The following PLCG2 variants were observed in gnomAD, a reference collection of about 807,000 sequenced individuals.
PLCG2 encodes phospholipase C gamma 2.
PLCG2 carries 69 observed loss-of-function variants against 175.6 expected under a neutral mutation model. The observed-to-expected ratio is 0.39, with a 90% CI of 0.32 to 0.48. The LOEUF (loss-of-function observed/expected upper bound fraction) is 0.48, where lower values mean the gene tolerates loss of function less well. Among genes scored for constraint, PLCG2 ranks in the 20% least tolerant of loss-of-function variants. PLCG2 has a pLI of 0.91. For synonymous variants in PLCG2, 827 were observed against 624.0 expected (o/e 1.33, Z -4.85); for missense variants, 1,798 against 1,650.9 (o/e 1.09, Z -1.54).
intron 2 of PLCG2, among the ~76,000 whole-genome samples, chr16:81,853,574 T>G (rs1231813148): frequency 6.6e-6 from 1 of 152,202 alleles, no homozygotes; most frequent in Non-Finnish European, 1.5e-5. Context: ...GCATGCGTAG[T>G]TCACCGTAGG....
intron 30 of PLCG2, among the ~76,000 whole-genome samples, chr16:81,942,841 T>TTGATCTTACTTTAAA (rs202207822): frequency 0.012 from 1,808 of 152,278 alleles, 20 homozygotes; most frequent in Non-Finnish European, 0.019. Flanking sequence ...GCCAGATGCA[T>TTGATCTTACTTTAAA]TGATCTTACT....
chr16:81,818,051 G>A (rs1173606615), intron 2 of PLCG2, among the ~76,000 whole-genome samples: 1 of 152,166 alleles, frequency 6.6e-6, no homozygotes, highest in African/African-American at 2.4e-5. Context: ...GCCTGGGCTC[G>A]GTCACTTCCT....
chr16:81,764,946 G>A (rs1372011191), intron 2 of PLCG2, among the ~76,000 whole-genome samples: 3 of 151,910 alleles, frequency 2.0e-5, no homozygotes, highest in Admixed American at 6.6e-5. Flanking sequence ...AAAATTAGCC[G>A]GGCATAGTAG....
upstream of PLCG2, among the ~76,000 whole-genome samples, chr16:81,775,279 G>A (rs142210329): frequency 3.3e-5 from 5 of 152,046 alleles, no homozygotes; most frequent in South Asian, 2.1e-4. Context: ...ACTGATCTAC[G>A]TTCTGTCTCT....
intron 13 of PLCG2, among the ~76,000 whole-genome samples, chr16:81,897,548 C>T (rs1158614314): frequency 2.3e-5 from 3 of 128,678 alleles, no homozygotes; most frequent in East Asian, 2.2e-4. Context: ...CTTTTCTTTT[C>T]TTTTTTTTTT....
intron 9 of PLCG2, among the ~76,000 whole-genome samples, chr16:81,884,640 C>G (rs1179322215): frequency 6.6e-6 from 1 of 151,970 alleles, no homozygotes; most frequent in East Asian, 1.9e-4. Flanking sequence ...CATGTCTTTT[C>G]ACATATAAAT....
At chr16:81,893,818 G>C (rs1363353654) in intron 12 of PLCG2, 24 bp downstream of exon 12, 1 of 1,493,270 alleles carries the variant, frequency 6.7e-7, no homozygotes, top group South Asian at 1.1e-5. Context: ...TCTTGGTGGA[G>C]GTCAGGCTCG....
rs549492465 is a variant in PLCG2 at position 81,871,785 on chromosome 16, A to T, written c.648+850A>T. Among the ~76,000 whole-genome samples, 14 of 152,304 alleles carry T rather than the reference A, an allele frequency of 9.2e-5. No individual in the cohort carries two copies. The South Asian group carries it at 2.9e-3, about 32-fold the overall frequency. ...ATGAAAGGGAAAACATCGGGGCCTGAGAATATATTATCGGATTGTTTATTG... is the reference window on the plus strand; with the variant it reads ...ATGAAAGGGAAAACATCGGGGCCTGTGAATATATTATCGGATTGTTTATTG... On this transcript the variant is annotated intron_variant, in intron 7 of 32. Transcript: ENST00000564138.
intron 2 of PLCG2, among the ~76,000 whole-genome samples, chr16:81,828,315 G>A (rs1455288941): frequency 4.6e-5 from 6 of 129,898 alleles, no homozygotes; most frequent in Non-Finnish European, 7.8e-5. Context: ...GTGTGATCTC[G>A]GCTCACTGCA....
chr16:81,748,092 C>T lies in PLCG2; in HGVS notation c.-144-7778C>T, dbSNP rs543020993. On this transcript the variant is annotated intron_variant, in intron 1 of 5. Transcript: ENST00000565054. ...GTGGCCCCATATTGGCCAGGCTGGT[C>T]TTGAACTCCTGACCTCAGATGATCC... 7.4e-4 allele frequency among the ~76,000 whole-genome samples: 113 copies of T among 152,296 alleles called. 1 individual carries two copies. Among genetic ancestry groups the T allele is most frequent in the African/African-American group, 2.2e-3 (92 of 41,562 alleles).
intron 7 of PLCG2, among the ~76,000 whole-genome samples, chr16:81,878,335 C>A (rs180831354): frequency 3.9e-5 from 6 of 152,232 alleles, no homozygotes; most frequent in Admixed American, 3.3e-4. Context: ...CCACCCTAAC[C>A]CAGCAAGGCC....
At chr16:81,918,908 TTA>T (rs1567532489) in intron 19 of PLCG2, among the ~76,000 whole-genome samples, 1 of 120,218 alleles carries the variant, frequency 8.3e-6, no homozygotes, top group East Asian at 2.4e-4. Context: ...CTTTTTTTTT[TTA>T]AAAAAAGTCA....
rs751349077 is a variant in PLCG2 at position 81,907,551 on chromosome 16, C to T, written c.1468-134C>T. 2.6e-5 allele frequency: 14 copies of T among 540,554 alleles called. 2 individuals are homozygous for T. The highest frequency in any genetic ancestry group is 1.6e-4 in the Admixed American group (5 of 30,494). The allele number at this position is 540,554 out of a possible 1,614,324, so 33.5% of individuals were successfully genotyped here. On this transcript the variant is annotated intron_variant, in intron 15 of 32. Transcript: ENST00000564138. ...TGTAAGGAATTGAATTCAGAGAATT[C>T]GCCATAAATGTCTATGAAACTGGGA... is the stretch of plus-strand genomic sequence containing the variant.
At chr16:81,818,883 A>ATTTTTTTTTTTTTTTT (rs57346304) in intron 2 of PLCG2, among the ~76,000 whole-genome samples, 3 of 106,644 alleles carry the variant, frequency 2.8e-5, no homozygotes, top group African/African-American at 8.0e-5. Flanking sequence ...GGGCTCATGG[A>ATTTTTTTTTTTTTTTT]TTTTTTTTTT....
chr16:81,900,678 C>T lies in PLCG2; in HGVS notation c.1260C>T (p.Ala420=), dbSNP rs1909111511. ...AGCAACAGCGTCACATGGCCAAGGC[C>T]TTCAAGGAAGTATTTGGCGACCTGC... The part of the protein sequence containing the change: ...SVEQQRHMAK[A]FKEVFGDLLL... The change falls in exon 14 of 33, where the codon GCC becomes GCT. Residue 420 remains alanine, a synonymous_variant. Transcript: ENST00000564138. 1 of 1,613,268 alleles carries T rather than the reference C, an allele frequency of 6.2e-7. No individual in the cohort carries two copies. Among genetic ancestry groups the T allele is most frequent in the Non-Finnish European group, 8.5e-7 (1 of 1,179,264 alleles).
chr16:81,941,757 G>C (rs77109591), intron 30 of PLCG2, among the ~76,000 whole-genome samples: 43 of 151,336 alleles, frequency 2.8e-4, no homozygotes, highest in African/African-American at 9.7e-4. Context: ...GAGTGCAGTG[G>C]GTGATCTCGG....
At chr16:81,802,562 C>T (rs930558843) in intron 2 of PLCG2, among the ~76,000 whole-genome samples, 1 of 152,034 alleles carries the variant, frequency 6.6e-6, no homozygotes, top group African/African-American at 2.4e-5. Flanking sequence ...GATTTGTTTT[C>T]TTTCTTTTTT....
At chr16:81,796,215 C>G (rs1311164694) in intron 2 of PLCG2, among the ~76,000 whole-genome samples, 2 of 152,212 alleles carry the variant, frequency 1.3e-5, no homozygotes, top group Non-Finnish European at 2.9e-5. Context: ...CCTCATCTGC[C>G]CTCTTGGGTT....
chr16:81,844,205 G>A (rs547279906), intron 2 of PLCG2, among the ~76,000 whole-genome samples: 2 of 146,716 alleles, frequency 1.4e-5, no homozygotes, highest in South Asian at 2.2e-4. Context: ...GTGTTAGCCA[G>A]GATGGTCTCT....
Sources: gnomAD v4.1 joint callset for allele counts (sites outside exome capture counted in the v4.1 genomes callset) on GRCh38, gnomAD v4.1.1 for gene constraint, MANE v1.5 for transcripts, NCBI Gene and HGNC (gene_info 2026-07-23, HGNC 2026-07-21) for gene names.